Variants in MYO18B observed in about 807,000 individuals in gnomAD.
MYO18B encodes unconventional myosin-XVIIIb.
In MYO18B, 204 loss-of-function variants were observed where a neutral mutation model predicts 273.0. The observed-to-expected ratio is 0.75, with a 90% CI of 0.67 to 0.84. The LOEUF is 0.84. Among genes scored for constraint, MYO18B ranks in the 40% least tolerant of loss-of-function variants. The pLI is 0.00. For synonymous variants in MYO18B, 1,330 were observed against 1,305.7 expected, an observed-to-expected ratio of 1.02 and a Z score of -0.40; for missense variants, 3,212 against 3,287.6, an observed-to-expected ratio of 0.98 and a Z score of 0.56.
intron 29 of MYO18B, among the ~76,000 whole-genome samples, chr22:25,901,982 T>A (rs1483321553): frequency 6.6e-6 from 1 of 151,754 alleles, no homozygotes; most frequent in African/African-American, 2.4e-5. Flanking sequence ...CCAGGTAATT[T>A]TAAATTTTAA....
intron 31 of MYO18B, among the ~76,000 whole-genome samples, chr22:25,905,776 C>T (rs1465488028): frequency 6.6e-6 from 1 of 152,150 alleles, no homozygotes; most frequent in East Asian, 1.9e-4. Flanking sequence ...CCTTATCTCT[C>T]CCCTAGCTTC....
At chr22:25,781,938 G>T in intron 10 of MYO18B, 104 bp downstream of exon 10, 1 of 725,492 alleles carries the variant, frequency 1.4e-6, no homozygotes, top group Non-Finnish European at 2.0e-6. Flanking sequence ...AGAGGCCGTG[G>T]GACCCAGGGA....
the MYO18B span, among the ~76,000 whole-genome samples, chr22:26,062,392 G>C: frequency 6.6e-6 from 1 of 152,140 alleles, no homozygotes. Flanking sequence ...TGAGTTGCTA[G>C]AATAATAGTG....
At chr22:25,767,519 C>A (rs1181964373) in intron 3 of MYO18B, among the ~76,000 whole-genome samples, 1 of 152,088 alleles carries the variant, frequency 6.6e-6, no homozygotes, top group African/African-American at 2.4e-5. Flanking sequence ...TGGGGAAACC[C>A]GAAGCCCAGA....
intron 19 of MYO18B, 39 bp from the exon 20 acceptor site, chr22:25,847,389 CTG>C: frequency 6.6e-7 from 1 of 1,521,592 alleles, no homozygotes; most frequent in African/African-American, 1.4e-5. Context: ...TTCTGTGTCT[CTG>C]TGAGACAACT....
At chr22:25,745,886 A>G (rs571025601) in intron 1 of MYO18B, among the ~76,000 whole-genome samples, 5 of 152,344 alleles carry the variant, frequency 3.3e-5, no homozygotes, top group Middle Eastern at 3.4e-3. Flanking sequence ...GCGTTGAGGT[A>G]GAGATGGTTG....
At chr22:25,799,680 C>A (rs1210129673) in intron 12 of MYO18B, among the ~76,000 whole-genome samples, 1 of 152,202 alleles carries the variant, frequency 6.6e-6, no homozygotes, top group Non-Finnish European at 1.5e-5. Context: ...TCCCCACATT[C>A]CCGGGCCCTG....
At position 25,876,034 on chromosome 22, in the gene MYO18B, GTGTGTGTGTGTA is replaced by G. The variant is rs1384256575; in HGVS notation, c.4081-149_4081-138del. Among the ~76,000 whole-genome samples the G allele has an allele frequency of 2.2e-3, 320 of 143,820 alleles. 1 individual carries two copies. Among genetic ancestry groups the G allele is most frequent in the African/African-American group, 8.3e-3 (294 of 35,560 alleles). The allele number at this position is 143,820 out of a possible 152,430, so 94.4% of individuals were successfully genotyped here. A position where few individuals can be genotyped will look rare whatever the true frequency, so the allele number is the denominator to read the frequency against. On this transcript the variant is annotated intron_variant, in intron 23 of 43. Coordinates refer to ENST00000335473, the MANE Select transcript of MYO18B (RefSeq NM_032608.7). ...TGTGTGTGTGTGTGTGTGTGTGTGT[GTGTGTGTGTGTA>G]TGTGTTTTAAGGTATCCAGTCCCTT...
chr22:25,805,650 T>C (rs1298418715), intron 12 of MYO18B, among the ~76,000 whole-genome samples: 1 of 152,168 alleles, frequency 6.6e-6, no homozygotes, highest in East Asian at 1.9e-4. Flanking sequence ...TTGGGTTACT[T>C]CAGTAGAGCT....
At chr22:25,970,374 G>A (rs1047985955) in intron 39 of MYO18B, among the ~76,000 whole-genome samples, 6 of 152,190 alleles carry the variant, frequency 3.9e-5, no homozygotes, top group East Asian at 1.9e-4. Context: ...TGTGAATGAC[G>A]TCCCCAAATG....
chr22:25,907,187 A>C (rs545446841), intron 31 of MYO18B, among the ~76,000 whole-genome samples: 36 of 152,380 alleles, frequency 2.4e-4, no homozygotes, highest in Admixed American at 7.2e-4. Context: ...AAATTTGAGA[A>C]GCCAGGGCTT....
chr22:25,852,014 C>A (rs2090441563), intron 21 of MYO18B, among the ~76,000 whole-genome samples: 1 of 152,216 alleles, frequency 6.6e-6, no homozygotes, highest in African/African-American at 2.4e-5. Flanking sequence ...AGCATCCCAG[C>A]TAAAAGGGAC....
intron 12 of MYO18B, among the ~76,000 whole-genome samples, chr22:25,807,386 T>C (rs913805815): frequency 6.6e-6 from 1 of 152,250 alleles, no homozygotes; most frequent in Non-Finnish European, 1.5e-5. Flanking sequence ...ACAGTGCTGC[T>C]GAAGGAATCA....
chr22:25,828,297 C>A (rs1371169532), intron 14 of MYO18B, among the ~76,000 whole-genome samples: 3 of 152,318 alleles, frequency 2.0e-5, no homozygotes, highest in South Asian at 4.1e-4. Context: ...GCTCCAAAAT[C>A]TCTTAAGTCC....
intron 7 of MYO18B, among the ~76,000 whole-genome samples, chr22:25,774,405 G>A (rs1228331770): frequency 2.0e-5 from 3 of 152,310 alleles, no homozygotes; most frequent in South Asian, 2.1e-4. Flanking sequence ...GGACTCCTCC[G>A]GCTCCCTGGA....
the MYO18B span, among the ~76,000 whole-genome samples, chr22:26,043,976 C>T: frequency 6.6e-6 from 1 of 152,202 alleles, no homozygotes; most frequent in African/African-American, 2.4e-5. Context: ...ATCCCAGCTC[C>T]TCCACATGCT....
intron 39 of MYO18B, among the ~76,000 whole-genome samples, chr22:25,956,982 A>G (rs1039431406): frequency 3.5e-4 from 54 of 152,298 alleles, no homozygotes; most frequent in Non-Finnish European, 3.5e-4. Flanking sequence ...ACAGAGACAG[A>G]GGTTCCCAGA....
intron 17 of MYO18B, among the ~76,000 whole-genome samples, chr22:25,841,526 T>C (rs1417492377): frequency 1.3e-5 from 2 of 152,202 alleles, no homozygotes; most frequent in African/African-American, 4.8e-5. Context: ...AGCAGACCTG[T>C]GGCCTCATCC....
At position 26,026,991 on chromosome 22, in the gene MYO18B, A is replaced by C. The variant is rs1569309358; in HGVS notation, c.7017A>C (p.Leu2339=). The change falls in exon 43 of 44, where the codon CTA becomes CTC. Residue 2339 remains leucine, a synonymous_variant. Coordinates refer to ENST00000335473, the MANE Select transcript of MYO18B (RefSeq NM_032608.7). The stretch of plus-strand genomic sequence containing the variant: ...CAGACGGTGTTGGGGGCACAACCCT[A>C]CTCCCCGAAAAGTCGAAAACCCAAT... ...ISSDGVGGTT[L]LPEKSKTQFS... is the part of the protein sequence containing the mutation. 3 of 1,613,670 alleles carry C rather than the reference A, an allele frequency of 1.9e-6. No individual in the cohort carries two copies. The South Asian group carries it at 3.3e-5, about 18-fold the overall frequency.
Sources: allele counts gnomAD v4.1 joint callset (sites outside exome capture counted in the v4.1 genomes callset), GRCh38; gene constraint gnomAD v4.1.1; transcripts MANE v1.5; gene names NCBI Gene and HGNC (gene_info 2026-07-23, HGNC 2026-07-21).